ATXN1: variants seen among roughly 807,000 people sequenced by gnomAD.
ATXN1 encodes the protein ataxin 1, also known as ataxin-1.
In ATXN1, 8 loss-of-function variants were observed where a neutral mutation model predicts 56.4. That is an observed-to-expected ratio of 0.14 (90% confidence interval 0.08 to 0.26). The LOEUF (loss-of-function observed/expected upper bound fraction) is 0.26, where lower values mean the gene tolerates loss of function less well. Ranked by LOEUF, ATXN1 falls within the 10% of genes least tolerant of loss-of-function variation. The pLI, the probability that ATXN1 is intolerant of heterozygous loss-of-function variation, is 1.00. For synonymous variants in ATXN1, 514 were observed against 494.6 expected, an observed-to-expected ratio of 1.04 and a Z score of -0.52; for missense variants, 987 against 1,106.5, an observed-to-expected ratio of 0.89 and a Z score of 1.53.
At chr6:16,595,288 C>G (rs1440488687) in intron 3 of ATXN1, among the ~76,000 whole-genome samples, 1 of 152,126 alleles carries the variant, frequency 6.6e-6, no homozygotes, top group Non-Finnish European at 1.5e-5. Flanking sequence ...TGATTCTTTC[C>G]TCTCCAAAAG....
chr6:16,464,645 T>C (rs1760066192), intron 6 of ATXN1, among the ~76,000 whole-genome samples: 1 of 151,936 alleles, frequency 6.6e-6, no homozygotes, highest in Non-Finnish European at 1.5e-5. Context: ...AGAGGAAACT[T>C]ACACGCATAT....
chr6:16,508,181 G>A (rs1761015116), intron 5 of ATXN1, among the ~76,000 whole-genome samples: 1 of 152,106 alleles, frequency 6.6e-6, no homozygotes, highest in African/African-American at 2.4e-5. Flanking sequence ...GTAGATGAAC[G>A]TCAAGATGAT....
At chr6:16,526,657 C>T (rs1761399769) in intron 4 of ATXN1, among the ~76,000 whole-genome samples, 2 of 151,092 alleles carry the variant, frequency 1.3e-5, no homozygotes, top group South Asian at 4.2e-4. Flanking sequence ...CCCAGCTACT[C>T]GGGAGGCTGA....
At chr6:16,649,545 C>T (rs1763859298) in intron 3 of ATXN1, among the ~76,000 whole-genome samples, 1 of 152,128 alleles carries the variant, frequency 6.6e-6, no homozygotes, top group African/African-American at 2.4e-5. Flanking sequence ...GAAGCTGAAG[C>T]AATTCTATCT....
At chr6:16,471,398 T>G (rs1041528241) in intron 6 of ATXN1, among the ~76,000 whole-genome samples, 2 of 152,330 alleles carry the variant, frequency 1.3e-5, no homozygotes, top group Middle Eastern at 3.4e-3. Context: ...TGGAGATGCC[T>G]TAGAGCTCGG....
At chr6:16,734,034 G>GT (rs1161216618) in intron 2 of ATXN1, among the ~76,000 whole-genome samples, 2 of 152,146 alleles carry the variant, frequency 1.3e-5, no homozygotes, top group Admixed American at 6.5e-5. Context: ...GGAGATTGCA[G>GT]TGAGCCAAGA....
intron 1 of ATXN1, chr6:16,754,675 C>T (rs1236796599): frequency 6.6e-6 from 1 of 152,156 alleles, no homozygotes; most frequent in Non-Finnish European, 1.5e-5. Flanking sequence ...TTTATTTAAG[C>T]ATTGATTGCC....
intron 2 of ATXN1, among the ~76,000 whole-genome samples, chr6:16,748,592 T>TA (rs1760611411): frequency 6.6e-6 from 1 of 152,246 alleles, no homozygotes; most frequent in Non-Finnish European, 1.5e-5. Context: ...TTCAATAAGT[T>TA]AATATGCAGA....
At chr6:16,419,896 C>T (rs898745876) in intron 6 of ATXN1, among the ~76,000 whole-genome samples, 7 of 152,140 alleles carry the variant, frequency 4.6e-5, no homozygotes, top group African/African-American at 1.7e-4. Flanking sequence ...GGATGAGGAC[C>T]GCTCATCCTA....
At chr6:16,524,812 G>A (rs1039689495) in intron 4 of ATXN1, among the ~76,000 whole-genome samples, 3 of 152,280 alleles carry the variant, frequency 2.0e-5, no homozygotes, top group Non-Finnish European at 2.9e-5. Context: ...CAGCACTTTG[G>A]GAGGCCAAGC....
At chr6:16,409,076 C>T (rs1758745219) in intron 6 of ATXN1, among the ~76,000 whole-genome samples, 1 of 152,072 alleles carries the variant, frequency 6.6e-6, no homozygotes, top group African/African-American at 2.4e-5. Context: ...TTAAGTATAC[C>T]TCAGTCATTT....
At chr6:16,489,289 A>G (rs1760611165) in intron 5 of ATXN1, among the ~76,000 whole-genome samples, 1 of 152,136 alleles carries the variant, frequency 6.6e-6, no homozygotes, top group African/African-American at 2.4e-5. Context: ...CCCTTACTCC[A>G]AAAGAATCAC....
chr6:16,660,898 G>C (rs1758306941), intron 2 of ATXN1, among the ~76,000 whole-genome samples: 1 of 146,812 alleles, frequency 6.8e-6, no homozygotes, highest in Non-Finnish European at 1.5e-5. Flanking sequence ...GAGTGCAGTG[G>C]AGTGATCTCA....
At chr6:16,563,125 G>A (rs1335677026) in intron 4 of ATXN1, among the ~76,000 whole-genome samples, 1 of 152,060 alleles carries the variant, frequency 6.6e-6, no homozygotes, top group Admixed American at 6.5e-5. Context: ...GAGAGTAGAA[G>A]GATTCATGCC....
At chr6:16,427,240 T>A (rs563685344) in intron 6 of ATXN1, among the ~76,000 whole-genome samples, 1 of 152,268 alleles carries the variant, frequency 6.6e-6, no homozygotes, top group South Asian at 2.1e-4. Flanking sequence ...GCTGGATGAT[T>A]CTTTGTGGTG....
chr6:16,613,488 T>A (rs1581292350), intron 3 of ATXN1, among the ~76,000 whole-genome samples: 1 of 152,104 alleles, frequency 6.6e-6, no homozygotes, highest in African/African-American at 2.4e-5. Flanking sequence ...GAGAATGTTT[T>A]AAATTTTTAA....
chr6:16,483,745 CACATGA>C (rs895839599), intron 6 of ATXN1, among the ~76,000 whole-genome samples: 3 of 152,176 alleles, frequency 2.0e-5, no homozygotes, highest in African/African-American at 7.2e-5. Context: ...GACAGGGTGT[CACATGA>C]ACAGTTCAAA....
chr6:16,673,616 T>C (rs1758591908), intron 2 of ATXN1, among the ~76,000 whole-genome samples: 1 of 152,182 alleles, frequency 6.6e-6, no homozygotes. Context: ...CATTGTAGGA[T>C]ATGATATTGA....
chr6:16,712,053 C>T (rs1389364944), intron 2 of ATXN1, among the ~76,000 whole-genome samples: 5 of 151,880 alleles, frequency 3.3e-5, no homozygotes, highest in African/African-American at 9.7e-5. Context: ...TGGTTGATGA[C>T]GGGGAGGTGG....
Sources: allele counts gnomAD v4.1 joint callset (sites outside exome capture counted in the v4.1 genomes callset), GRCh38; gene constraint gnomAD v4.1.1; transcripts MANE v1.5; gene names NCBI Gene and HGNC (gene_info 2026-07-23, HGNC 2026-07-21).